The following TECRL variants were observed in gnomAD, a reference collection of about 807,000 sequenced individuals.
TECRL encodes the protein trans-2,3-enoyl-CoA reductase-like.
In TECRL, 63 loss-of-function variants were observed where a neutral mutation model predicts 52.8. The observed-to-expected ratio is 1.19, with a 90% confidence interval of 0.97 to 1.47. The LOEUF (loss-of-function observed/expected upper bound fraction) is 1.47, where lower values mean the gene tolerates loss of function less well. Among genes scored for constraint, TECRL ranks in the 40% most tolerant of loss-of-function variants. TECRL has a pLI of 0.00. For synonymous variants in TECRL, 164 were observed against 141.9 expected, an observed-to-expected ratio of 1.16 and a Z score of -1.10; for missense variants, 482 against 429.6, an observed-to-expected ratio of 1.12 and a Z score of -1.08.
chr4:64,372,237 A>G (rs1007920575), intron 2 of TECRL, among the ~76,000 whole-genome samples: 1 of 151,828 alleles, frequency 6.6e-6, no homozygotes, highest in Non-Finnish European at 1.5e-5. Flanking sequence ...ATAGATCAAG[A>G]TAAAGAAAGA....
Position 64,314,247 on chromosome 4 carries a change from T to A in TECRL, c.551+401A>T, listed in dbSNP as rs1001075659. Among the ~76,000 whole-genome samples the A allele has an allele frequency of 4.6e-5, 7 of 152,082 alleles. No individual in the cohort carries two copies. In the East Asian group the frequency reaches 1.4e-3, roughly 29 times the overall value. ...CCTGTTCATTACTTAGGTCATTATTTCTTTCCTATGTAACATTGCCAAATA... is the reference window on the plus strand; with the variant it reads ...CCTGTTCATTACTTAGGTCATTATTACTTTCCTATGTAACATTGCCAAATA... On this transcript the variant is annotated intron_variant, in intron 5 of 11. Coordinates refer to ENST00000381210, the MANE Select transcript of TECRL (RefSeq NM_001010874.5).
At chr4:64,348,854 G>A (rs970068755) in intron 2 of TECRL, among the ~76,000 whole-genome samples, 1 of 152,108 alleles carries the variant, frequency 6.6e-6, no homozygotes, top group Non-Finnish European at 1.5e-5. Context: ...TGTAGTCAGG[G>A]AAAATATCCA....
chr4:64,284,041 C>A (rs934517605), intron 9 of TECRL, among the ~76,000 whole-genome samples: 8 of 152,026 alleles, frequency 5.3e-5, no homozygotes, highest in African/African-American at 1.4e-4. Flanking sequence ...ACCTACCCAG[C>A]ATGAACCAAC....
At chr4:64,319,363 A>C (rs1211212799) in intron 4 of TECRL, among the ~76,000 whole-genome samples, 1 of 151,830 alleles carries the variant, frequency 6.6e-6, no homozygotes, top group Non-Finnish European at 1.5e-5. Context: ...AAGAAAATGC[A>C]GGAGAGAACT....
At chr4:64,337,920 G>T (rs1427357011) in intron 2 of TECRL, among the ~76,000 whole-genome samples, 1 of 151,990 alleles carries the variant, frequency 6.6e-6, no homozygotes, top group East Asian at 1.9e-4. Context: ...TCACAGAATT[G>T]GAAAAAACTA....
chr4:64,388,120 T>A (rs1358476906), intron 1 of TECRL, among the ~76,000 whole-genome samples: 1 of 151,716 alleles, frequency 6.6e-6, no homozygotes, highest in East Asian at 1.9e-4. Flanking sequence ...AAGAGTTCTA[T>A]AGTTTTGTTT....
intron 7 of TECRL, among the ~76,000 whole-genome samples, chr4:64,302,682 T>A: frequency 6.6e-6 from 1 of 151,334 alleles, no homozygotes; most frequent in South Asian, 2.1e-4. Flanking sequence ...AATATAAAAA[T>A]TGGATCAATT....
intron 2 of TECRL, among the ~76,000 whole-genome samples, chr4:64,346,336 G>A (rs574902149): frequency 2.0e-5 from 3 of 152,262 alleles, no homozygotes; most frequent in East Asian, 1.9e-4. Flanking sequence ...TGGTGGCTCC[G>A]ACCCCACATT....
At chr4:64,352,803 G>A (rs1027341917) in intron 2 of TECRL, among the ~76,000 whole-genome samples, 1 of 152,226 alleles carries the variant, frequency 6.6e-6, no homozygotes. Context: ...TCTTGTCTTC[G>A]ATGCTCATTA....
At chr4:64,338,796 A>G (rs1396749270) in intron 2 of TECRL, among the ~76,000 whole-genome samples, 1 of 152,194 alleles carries the variant, frequency 6.6e-6, no homozygotes, top group African/African-American at 2.4e-5. Context: ...GGTGCTGGAG[A>G]GGATGTGGAG....
intron 1 of TECRL, among the ~76,000 whole-genome samples, chr4:64,393,163 G>A (rs1723667120): frequency 6.6e-6 from 1 of 152,010 alleles, no homozygotes; most frequent in African/African-American, 2.4e-5. Context: ...ATAATTGATA[G>A]TAAACCTATT....
At chr4:64,299,263 G>C (rs1033281168) in intron 8 of TECRL, 1 of 151,072 alleles carries the variant, frequency 6.6e-6, no homozygotes, top group Non-Finnish European at 1.5e-5. Context: ...TATTAAAATG[G>C]TTAGAAATAA....
chr4:64,392,724 A>G (rs1289133710), intron 1 of TECRL, among the ~76,000 whole-genome samples: 2 of 152,000 alleles, frequency 1.3e-5, no homozygotes, highest in African/African-American at 4.8e-5. Context: ...TGTAAGCATC[A>G]AATTTTTATT....
At chr4:64,347,067 G>A (rs1720041477) in intron 2 of TECRL, among the ~76,000 whole-genome samples, 1 of 152,146 alleles carries the variant, frequency 6.6e-6, no homozygotes, top group Admixed American at 6.5e-5. Context: ...TATCTCACAA[G>A]AGTGGGCCAT....
intron 4 of TECRL, among the ~76,000 whole-genome samples, chr4:64,321,682 C>A (rs569583997): frequency 2.6e-5 from 4 of 152,018 alleles, no homozygotes; most frequent in African/African-American, 9.7e-5. Context: ...GCACTAGTAC[C>A]AAGTATTTTC....
chr4:64,378,160 T>G (rs1049117569), intron 1 of TECRL, among the ~76,000 whole-genome samples: 10 of 152,252 alleles, frequency 6.6e-5, no homozygotes, highest in African/African-American at 2.4e-4. Context: ...GCAGGTTTCC[T>G]ACGTAAACAG....
chr4:64,359,181 G>A (rs1056677127), intron 2 of TECRL, among the ~76,000 whole-genome samples: 7 of 151,816 alleles, frequency 4.6e-5, no homozygotes, highest in African/African-American at 4.8e-5. Flanking sequence ...CAGAAACACC[G>A]GCTGTTGAAA....
chr4:64,355,339 C>T (rs1467965675), intron 2 of TECRL, among the ~76,000 whole-genome samples: 2 of 151,924 alleles, frequency 1.3e-5, no homozygotes, highest in African/African-American at 2.4e-5. Context: ...TAAAAACATT[C>T]GGTCAACATG....
intron 1 of TECRL, among the ~76,000 whole-genome samples, chr4:64,382,335 A>G (rs1334525962): frequency 6.9e-6 from 1 of 145,128 alleles, no homozygotes; most frequent in Non-Finnish European, 1.5e-5. Flanking sequence ...TTATATATAT[A>G]TACACACACA....
Sources: allele counts gnomAD v4.1 joint callset (sites outside exome capture counted in the v4.1 genomes callset), GRCh38; gene constraint gnomAD v4.1.1; transcripts MANE v1.5; gene names NCBI Gene and HGNC (gene_info 2026-07-23, HGNC 2026-07-21).